Variants in PELP1 observed in about 807,000 individuals in gnomAD.
PELP1 encodes the protein proline, glutamate and leucine rich protein 1.
In PELP1, 32 loss-of-function variants were observed where a neutral mutation model predicts 95.5. That is an observed-to-expected ratio of 0.34 (90% CI 0.25 to 0.45). The LOEUF (loss-of-function observed/expected upper bound fraction) is 0.45, where lower values mean the gene tolerates loss of function less well. PELP1 is among the 20% of genes least tolerant of loss of function. The pLI is 1.00. For missense variants in PELP1, 1,358 were observed against 1,444.8 expected (o/e 0.94, Z 0.97); for synonymous variants, 668 against 600.1 (o/e 1.11, Z -1.65).
At position 4,685,849 on chromosome 17, in the gene PELP1, C is replaced by T. The variant is rs139436178; in HGVS notation, c.421-2897G>A. On this transcript the variant is annotated intron_variant, in intron 3 of 16. Transcript: ENST00000572293. ...TGGTAGCTCACACCTGTAATCCCAG[C>T]ACTTTGGAAGGCCAAGGTGGGTGGA... Among the ~76,000 whole-genome samples the T allele has an allele frequency of 2.5e-3, 377 of 151,114 alleles. 6 individuals carry two copies. The East Asian group carries it at 0.033, about 13-fold the overall frequency.
At chr17:4,694,497 CAAAAAAAA>C (rs55794918) in intron 1 of PELP1, among the ~76,000 whole-genome samples, 1 of 54,628 alleles carries the variant, frequency 1.8e-5, no homozygotes, top group East Asian at 5.3e-4. Flanking sequence ...ACCAAAAATA[CAAAAAAAA>C]AAAAATCAGC....
chr17:4,686,314 G>A (rs1466976212), intron 3 of PELP1, among the ~76,000 whole-genome samples: 3 of 152,136 alleles, frequency 2.0e-5, no homozygotes, highest in East Asian at 1.9e-4. Flanking sequence ...TCTACTCGAT[G>A]CTAATCTATC....
At position 4,698,652 on chromosome 17, in the gene PELP1, ACAAGGCAAAACAAACAACAAC is replaced by A. The variant is rs769763684; in HGVS notation, c.249+5190_249+5210del. ...CTGAGATTGTCTCAAAAAAAAAAAAACAAGGCAAAACAAACAACAACAAAAAAAACAACTAAATGCAACATG... is the reference window on the plus strand; with the variant it reads ...CTGAGATTGTCTCAAAAAAAAAAAAAAAAAAAAACAACTAAATGCAACATG... On this transcript the variant is annotated intron_variant, in intron 1 of 16. Coordinates refer to ENST00000572293, the MANE Select transcript of PELP1 (RefSeq NM_014389.3). Among the ~76,000 whole-genome samples the A allele has an allele frequency of 1.9e-4, 28 of 149,822 alleles. 1 individual carries two copies. The highest frequency in any genetic ancestry group is 1.1e-3 in the Admixed American group (16 of 15,036).
At chr17:4,682,298 C>T (rs1405349239) in intron 5 of PELP1, among the ~76,000 whole-genome samples, 3 of 152,212 alleles carry the variant, frequency 2.0e-5, no homozygotes, top group Non-Finnish European at 2.9e-5. Flanking sequence ...GCCTGCTGAT[C>T]TTAGCAAGTT....
intron 3 of PELP1, among the ~76,000 whole-genome samples, chr17:4,683,413 G>A (rs578045841): frequency 3.3e-5 from 5 of 151,732 alleles, no homozygotes; most frequent in South Asian, 2.1e-4. Flanking sequence ...GTAGAGACGG[G>A]GTTTCACTAT....
At chr17:4,695,868 T>C (rs1207552183) in intron 1 of PELP1, among the ~76,000 whole-genome samples, 3 of 151,350 alleles carry the variant, frequency 2.0e-5, no homozygotes, top group Admixed American at 2.0e-4. Flanking sequence ...GGTTTCACCA[T>C]ATTGGTCAGG....
intron 5 of PELP1, among the ~76,000 whole-genome samples, chr17:4,680,198 G>C (rs1730831614): frequency 1.3e-5 from 2 of 152,212 alleles, no homozygotes. Flanking sequence ...GAATGGCACA[G>C]TGGGCACCCA....
rs779294837 is a variant in PELP1, at chr17:4,671,113, G to A, written c.*326C>T. 2.6e-5 allele frequency: 9 copies of A among 343,070 alleles called. No homozygotes were observed. Among genetic ancestry groups the A allele is most frequent in the South Asian group, 3.8e-5 (1 of 26,032 alleles). The allele number at this position is 343,070 out of a possible 1,614,324, so 21.3% of individuals were successfully genotyped here. A position where few individuals can be genotyped will look rare whatever the true frequency, so the allele number is the denominator to read the frequency against. ...CATTTCCCACCCCGAATACAAACACGAAAGCAGGGCTGTGTCTCTATAACT... is the reference window on the plus strand; with the variant it reads ...CATTTCCCACCCCGAATACAAACACAAAAGCAGGGCTGTGTCTCTATAACT... On this transcript the variant is annotated 3_prime_UTR_variant, in exon 17 of 17. Coordinates refer to ENST00000572293, the MANE Select transcript of PELP1 (RefSeq NM_014389.3).
chr17:4,671,885 C>A lies in PELP1; in HGVS notation c.3106G>T (p.Glu1036Ter). 6.6e-7 allele frequency: 1 copy of A among 1,514,532 alleles called. No individual in the cohort carries two copies. 93.8% of individuals were successfully genotyped at this position (1,514,532 alleles called of 1,614,324 possible). The change falls in exon 16 of 17, where the codon GAG (glutamate) becomes TAG (stop). Residue 1036 changes from glutamate (E) to a stop codon, truncating the protein, a stop_gained. Coordinates refer to ENST00000572293, the MANE Select transcript of PELP1 (RefSeq NM_014389.3). LOFTEE classifies it high-confidence loss of function. Reference sequence around the variant, plus strand: ...GGGCTTTCCCCTTCCCTCTCCACCTCTCCCTGGGAGGGGAGCGCTTCAGGG... The same window carrying A: ...GGGCTTTCCCCTTCCCTCTCCACCTATCCCTGGGAGGGGAGCGCTTCAGGG... ...LAPEALPSQGEVEREGESPAA... is the reference protein window; with the variant it reads ...LAPEALPSQG
Position 4,672,860 on chromosome 17 carries a change from G to A in PELP1, c.2131C>T (p.Leu711Phe), listed in dbSNP as rs941889300. ...GPPTTANHLGLSVPGLVSVPP... is the reference protein window; with the variant it reads ...GPPTTANHLGFSVPGLVSVPP... The stretch of plus-strand genomic sequence containing the variant: ...ACAGACACTAGGCCTGGGACAGAAA[G>A]GCCTAGGTGGTTGGCTGTGGTGGGA... The change falls in exon 16 of 17, where the codon CTT becomes TTT. Residue 711 changes from leucine (L) to phenylalanine (F), a missense_variant. Leu to Phe is a conservative substitution (Grantham distance 22, BLOSUM62 0). Around this residue, in one of 7 missense-constraint regions of PELP1, gnomAD observed 340 missense variants for 322.9 expected, o/e 1.05. Transcript: ENST00000572293. 2 of 1,613,978 alleles carry A rather than the reference G, an allele frequency of 1.2e-6. No homozygotes were observed. Among genetic ancestry groups the A allele is most frequent in the Non-Finnish European group, 1.7e-6 (2 of 1,179,866 alleles).
Position 4,673,377 on chromosome 17 carries a change from G to A in PELP1, c.1718C>T (p.Ser573Phe), listed in dbSNP as rs1912318587. 1.9e-6 allele frequency: 3 copies of A among 1,597,612 alleles called. No homozygotes were observed. Among genetic ancestry groups the A allele is most frequent in the Non-Finnish European group, 2.6e-6 (3 of 1,172,630 alleles). The stretch of plus-strand genomic sequence containing the variant: ...GCAGTAGAGTTCACGGCGGCAGCGG[G>A]AGCTCGTGTACGGGGAGCTGCCTAG... The part of the protein sequence containing the change: ...EVLGSSPYTS[S>F]RCRRELYCLL... Residue 573 changes from serine to phenylalanine, a missense_variant, in exon 15 of 17, where the codon TCC becomes TTC. Ser to Phe is a radical substitution (Grantham distance 155). This residue lies in a region of PELP1 where 538 missense variants were observed against 628.1 expected (regional missense o/e 0.86). Coordinates refer to ENST00000572293, the MANE Select transcript of PELP1 (RefSeq NM_014389.3). The surrounding 1 kb of genome is among the most constrained non-coding windows in gnomAD (Gnocchi z 5.7).
rs373807616 is a variant in PELP1, at chr17:4,678,909, C to T, written c.643-2097G>A. On this transcript the variant is annotated intron_variant, in intron 5 of 16. Transcript: ENST00000572293. ...ATCAGTTTTCCTAAGTACTAGTCTGCGAGATTTTCCAAGTGCAAATTGCCC... is the reference window on the plus strand; with the variant it reads ...ATCAGTTTTCCTAAGTACTAGTCTGTGAGATTTTCCAAGTGCAAATTGCCC... Among the ~76,000 whole-genome samples the T allele has an allele frequency of 9.2e-5, 14 of 152,248 alleles. No homozygotes were observed. The South Asian group carries it at 2.1e-3, about 23-fold the overall frequency.
At chr17:4,701,970 A>G (rs1397301610) in intron 1 of PELP1, among the ~76,000 whole-genome samples, 1 of 152,196 alleles carries the variant, frequency 6.6e-6, no homozygotes, top group Non-Finnish European at 1.5e-5. Context: ...CTTTACTCAA[A>G]ATTCTACTAG....
At chr17:4,695,659 C>T (rs1246670712) in intron 1 of PELP1, among the ~76,000 whole-genome samples, 4 of 120,772 alleles carry the variant, frequency 3.3e-5, no homozygotes, top group African/African-American at 9.5e-5. Flanking sequence ...GAGTGAGACC[C>T]TCTCTCTTAA....
chr17:4,688,402 C>T (rs1567666054), intron 3 of PELP1, among the ~76,000 whole-genome samples: 1 of 151,914 alleles, frequency 6.6e-6, no homozygotes, highest in Non-Finnish European at 1.5e-5. Flanking sequence ...GGAAGTCAAA[C>T]TGTCGTTATT....
chr17:4,680,341 G>C, intron 5 of PELP1, among the ~76,000 whole-genome samples: 1 of 152,142 alleles, frequency 6.6e-6, no homozygotes, highest in Middle Eastern at 3.4e-3. Flanking sequence ...ACAGTGGTGC[G>C]ATCTCGGCTC....
chr17:4,691,641 C>G, intron 1 of PELP1, 199 bp from the exon 2 acceptor site: 1 of 591,166 alleles, frequency 1.7e-6, no homozygotes, highest in South Asian at 2.1e-5. Context: ...GGCCTTTCCT[C>G]AAGTTATATT....
chr17:4,683,582 A>G (rs1912798095), intron 3 of PELP1, among the ~76,000 whole-genome samples: 2 of 129,106 alleles, frequency 1.5e-5, no homozygotes, highest in African/African-American at 2.8e-5. Flanking sequence ...CCAGGGTGGA[A>G]TGCACTGGGG....
chr17:4,688,583 C>T (rs1912988001), intron 3 of PELP1, among the ~76,000 whole-genome samples: 1 of 152,118 alleles, frequency 6.6e-6, no homozygotes, highest in South Asian at 2.1e-4. Flanking sequence ...AAGAACTCAA[C>T]CACCTTTACA....
Sources: gnomAD v4.1 joint callset for allele counts (sites outside exome capture counted in the v4.1 genomes callset) on GRCh38, gnomAD v4.1.1 for gene constraint, gnomAD v4.1.1 regional missense constraint, Gnocchi (gnomAD v3.1) non-coding constraint, MANE v1.5 for transcripts, NCBI Gene and HGNC (gene_info 2026-07-23, HGNC 2026-07-21) for gene names.